Variants in ADAMTS3 observed in about 807,000 individuals in gnomAD.
ADAMTS3 encodes the protein A disintegrin and metalloproteinase with thrombospondin motifs 3.
A neutral mutation model predicts 129.0 loss-of-function variants in ADAMTS3; 73 were observed. The observed-to-expected ratio is 0.57, with a 90% CI of 0.47 to 0.69. The LOEUF (loss-of-function observed/expected upper bound fraction) is 0.69. Among genes scored for constraint, ADAMTS3 ranks in the 30% least tolerant of loss-of-function variants. ADAMTS3 has a pLI of 0.00. For missense variants in ADAMTS3, 1,457 were observed against 1,514.5 expected (o/e 0.96, Z 0.63); for synonymous variants, 477 against 510.8 (o/e 0.93, Z 0.89).
intron 3 of ADAMTS3, among the ~76,000 whole-genome samples, chr4:72,428,759 G>C (rs1722628462): frequency 6.6e-6 from 1 of 151,840 alleles, no homozygotes; most frequent in African/African-American, 2.4e-5. Context: ...AAACTTAAAA[G>C]AGTTTTACTA....
chr4:72,287,569 G>A (rs1277700069), intron 21 of ADAMTS3, among the ~76,000 whole-genome samples: 1 of 151,846 alleles, frequency 6.6e-6, no homozygotes, highest in Non-Finnish European at 1.5e-5. Context: ...AAGAATGATA[G>A]GAGGTACAGC....
chr4:72,344,916 TA>T (rs2109837298), intron 4 of ADAMTS3, among the ~76,000 whole-genome samples: 1 of 152,278 alleles, frequency 6.6e-6, no homozygotes, highest in African/African-American at 2.4e-5. Flanking sequence ...CCATCATGTT[TA>T]GGTCACCCAT....
chr4:72,522,630 C>T (rs768549536), intron 3 of ADAMTS3, among the ~76,000 whole-genome samples: 16 of 152,114 alleles, frequency 1.1e-4, no homozygotes, highest in Admixed American at 6.5e-4. Context: ...TTAAACACAG[C>T]GTGACTATGC....
chr4:72,557,824 G>A (rs1721806528), intron 2 of ADAMTS3, among the ~76,000 whole-genome samples: 1 of 151,732 alleles, frequency 6.6e-6, no homozygotes, highest in Admixed American at 6.6e-5. Flanking sequence ...ATCTTAAAAT[G>A]ACCAAATAAT....
intron 4 of ADAMTS3, among the ~76,000 whole-genome samples, chr4:72,408,205 C>T (rs1722098450): frequency 6.6e-6 from 1 of 152,120 alleles, no homozygotes. Flanking sequence ...TTCAGAGCCA[C>T]ATTTATTTTT....
intron 4 of ADAMTS3, among the ~76,000 whole-genome samples, chr4:72,362,778 G>C (rs959113887): frequency 1.3e-5 from 2 of 151,978 alleles, no homozygotes; most frequent in African/African-American, 4.8e-5. Context: ...TTTAACAACA[G>C]TTGTGAAAAA....
At chr4:72,442,411 T>C (rs1417543188) in intron 3 of ADAMTS3, among the ~76,000 whole-genome samples, 1 of 151,618 alleles carries the variant, frequency 6.6e-6, no homozygotes, top group Non-Finnish European at 1.5e-5. Flanking sequence ...TTAATCATGA[T>C]GGAAGATAAA....
chr4:72,335,210 C>T (rs1031195642), intron 5 of ADAMTS3, among the ~76,000 whole-genome samples: 4 of 152,134 alleles, frequency 2.6e-5, no homozygotes, highest in African/African-American at 9.7e-5. Context: ...AAGGCTTATA[C>T]TACTAATATT....
chr4:72,350,767 C>A (rs1332193344), intron 4 of ADAMTS3, among the ~76,000 whole-genome samples: 2 of 151,936 alleles, frequency 1.3e-5, no homozygotes, highest in Non-Finnish European at 2.9e-5. Flanking sequence ...CTATTCCCAG[C>A]CCCATATAAG....
chr4:72,319,404 G>C lies in ADAMTS3; in HGVS notation c.1280C>G (p.Pro427Arg), dbSNP rs552965893. 6.2e-7 allele frequency: 1 copy of C among 1,613,942 alleles called. No homozygotes were observed. The highest frequency in any genetic ancestry group is 8.5e-7 in the Non-Finnish European group (1 of 1,179,940). The part of the protein sequence containing the change: ...DETAMGSVMA[P>R]LVQAAFHRYH... ...ACGATGGAATGCTGCTTGTACCAAG[G>C]GAGCCATGACACTTCCCATAGCAGT... Residue 427 changes from proline (P) to arginine (R), a missense_variant, in exon 9 of 22, where the codon CCC (proline) becomes CGC (arginine). Physicochemically the swap from Pro to Arg is moderately radical, Grantham distance 103. Transcript: ENST00000286657.
chr4:72,500,923 A>G (rs1246906495), intron 3 of ADAMTS3, among the ~76,000 whole-genome samples: 3 of 152,102 alleles, frequency 2.0e-5, no homozygotes, highest in African/African-American at 4.8e-5. Context: ...AGATGGCTGT[A>G]GGCATGTGGC....
chr4:72,533,909 C>T (rs1721119528), intron 3 of ADAMTS3, among the ~76,000 whole-genome samples: 1 of 152,112 alleles, frequency 6.6e-6, no homozygotes, highest in South Asian at 2.1e-4. Context: ...TTTATACATG[C>T]AATTTCTTTT....
chr4:72,358,193 C>G (rs1239124240), intron 4 of ADAMTS3, among the ~76,000 whole-genome samples: 1 of 151,934 alleles, frequency 6.6e-6, no homozygotes, highest in Non-Finnish European at 1.5e-5. Context: ...CCCCTCTATA[C>G]TCTTGACATG....
intron 5 of ADAMTS3, among the ~76,000 whole-genome samples, chr4:72,332,088 T>C (rs774019369): frequency 6.6e-6 from 1 of 152,144 alleles, no homozygotes; most frequent in African/African-American, 2.4e-5. Flanking sequence ...GCCTAGAGGA[T>C]TGATGTGAAT....
At chr4:72,366,794 A>G (rs1168099392) in intron 4 of ADAMTS3, among the ~76,000 whole-genome samples, 1 of 151,466 alleles carries the variant, frequency 6.6e-6, no homozygotes, top group African/African-American at 2.4e-5. Flanking sequence ...TTTCAGTCAG[A>G]TGACTCATAA....
chr4:72,382,379 T>A (rs1721316223), intron 4 of ADAMTS3, among the ~76,000 whole-genome samples: 1 of 151,962 alleles, frequency 6.6e-6, no homozygotes, highest in Admixed American at 6.6e-5. Flanking sequence ...CCCATAACTC[T>A]ATGATATTGA....
intron 3 of ADAMTS3, among the ~76,000 whole-genome samples, chr4:72,541,495 T>C (rs1010797278): frequency 5.3e-5 from 8 of 152,226 alleles, no homozygotes; most frequent in African/African-American, 1.9e-4. Flanking sequence ...TGATTGGTTT[T>C]GAAATGTGAG....
chr4:72,471,725 C>T (rs13104517), intron 3 of ADAMTS3, among the ~76,000 whole-genome samples: 38,039 of 151,778 alleles, frequency 0.25, 5,132 homozygotes, highest in East Asian at 0.45. Flanking sequence ...AATATAGCTA[C>T]TTTTAGACAA....
intron 3 of ADAMTS3, among the ~76,000 whole-genome samples, chr4:72,530,672 A>AT (rs1721003158): frequency 2.0e-5 from 1 of 49,420 alleles, no homozygotes; most frequent in East Asian, 9.8e-4. Context: ...TATATAATAT[A>AT]TAATATGTAT....
Sources: gnomAD v4.1 joint callset for allele counts (sites outside exome capture counted in the v4.1 genomes callset) on GRCh38, gnomAD v4.1.1 for gene constraint, MANE v1.5 for transcripts, NCBI Gene and HGNC (gene_info 2026-07-23, HGNC 2026-07-21) for gene names.